The following GPC6 variants were observed in gnomAD, a reference collection of about 807,000 sequenced individuals.
GPC6 encodes the protein glypican 6, also known as glypican-6.
A neutral mutation model predicts 55.2 loss-of-function variants in GPC6; 14 were observed. The observed-to-expected ratio is 0.25, with a 90% confidence interval of 0.17 to 0.40. GPC6 has a LOEUF of 0.40. Ranked by LOEUF, GPC6 falls within the 10% of genes least tolerant of loss-of-function variation. The probability of loss-of-function intolerance (pLI) is 1.00; values close to 1 mark genes in which losing one functional copy is unlikely to be tolerated. For synonymous variants in GPC6, 278 were observed against 259.6 expected (o/e 1.07, Z -0.68); for missense variants, 641 against 708.5 (o/e 0.90, Z 1.08).
At chr13:93,505,253 G>T (rs765413818) in intron 1 of GPC6, among the ~76,000 whole-genome samples, 1 of 152,120 alleles carries the variant, frequency 6.6e-6, no homozygotes, top group Non-Finnish European at 1.5e-5. Context: ...CAGTAGTTAT[G>T]ATCTGTAAAC....
intron 3 of GPC6, among the ~76,000 whole-genome samples, chr13:93,840,764 A>G (rs1887924553): frequency 6.6e-6 from 1 of 152,140 alleles, no homozygotes; most frequent in Non-Finnish European, 1.5e-5. Flanking sequence ...TGTGCAACAA[A>G]CAGATGAGAC....
chr13:93,843,553 G>C (rs1489001969), intron 3 of GPC6, among the ~76,000 whole-genome samples: 1 of 152,112 alleles, frequency 6.6e-6, no homozygotes, highest in Admixed American at 6.6e-5. Flanking sequence ...GTGGACCTTG[G>C]TCCAAACTGG....
chr13:94,222,419 C>T (rs147468123), intron 4 of GPC6, among the ~76,000 whole-genome samples: 2,027 of 152,158 alleles, frequency 0.013, 24 homozygotes, highest in Non-Finnish European at 0.021. Flanking sequence ...TTCTGGAGAA[C>T]ATGTCACTAA....
chr13:93,989,902 G>GTA (rs201397049), intron 3 of GPC6, among the ~76,000 whole-genome samples: 1,448 of 136,898 alleles, frequency 0.011, 23 homozygotes, highest in African/African-American at 0.036. Flanking sequence ...ATGTGTGTGT[G>GTA]TATATATATA....
intron 1 of GPC6, among the ~76,000 whole-genome samples, chr13:93,540,332 T>C (rs1201325754): frequency 1.3e-5 from 2 of 152,150 alleles, no homozygotes; most frequent in Non-Finnish European, 2.9e-5. Context: ...CATATATCCA[T>C]CAAGCAGCTT....
At chr13:93,458,209 G>A (rs1878542905) in intron 1 of GPC6, among the ~76,000 whole-genome samples, 1 of 152,126 alleles carries the variant, frequency 6.6e-6, no homozygotes, top group Non-Finnish European at 1.5e-5. Context: ...TACTGCTCAG[G>A]AGAGACACAG....
intron 4 of GPC6, among the ~76,000 whole-genome samples, chr13:94,204,758 T>C (rs1036699961): frequency 1.3e-5 from 2 of 152,218 alleles, no homozygotes; most frequent in African/African-American, 4.8e-5. Context: ...CTAGAATTAA[T>C]CATATTCCAA....
At chr13:93,995,133 A>G (rs1881478600) in intron 3 of GPC6, among the ~76,000 whole-genome samples, 1 of 151,672 alleles carries the variant, frequency 6.6e-6, no homozygotes, top group Non-Finnish European at 1.5e-5. Context: ...ACTGTATAAC[A>G]TTTTTCACAT....
intron 1 of GPC6, among the ~76,000 whole-genome samples, chr13:93,472,931 C>T (rs1879175154): frequency 6.6e-6 from 1 of 152,196 alleles, no homozygotes; most frequent in African/African-American, 2.4e-5. Context: ...GGTAGCTCTT[C>T]TCTGCAGACA....
intron 2 of GPC6, among the ~76,000 whole-genome samples, chr13:93,654,361 T>C (rs777684083): frequency 6.6e-6 from 1 of 152,080 alleles, no homozygotes; most frequent in African/African-American, 2.4e-5. Flanking sequence ...AGAATCTCAC[T>C]CTGTTGCCCA....
chr13:94,298,050 C>A (rs913773672), intron 5 of GPC6, among the ~76,000 whole-genome samples: 19 of 151,692 alleles, frequency 1.3e-4, no homozygotes, highest in African/African-American at 3.9e-4. Flanking sequence ...AAAAAAAAAA[C>A]TGACATTTAA....
Position 93,978,687 on chromosome 13 carries a change from T to A in GPC6, c.712-49042T>A, listed in dbSNP as rs1880635357. Among the ~76,000 whole-genome samples, 4 of 152,142 alleles carry A rather than the reference T, an allele frequency of 2.6e-5. No homozygotes were observed. In the South Asian group the frequency reaches 8.3e-4, roughly 31 times the overall value. ...CTTCAATGTGAGGTTTTTTTCATGA[T>A]TCTAGTCTACAAGGTCCACTTCCTT... is the stretch of plus-strand genomic sequence containing the variant. On this transcript the variant is annotated intron_variant, in intron 3 of 8. Transcript: ENST00000377047.
intron 8 of GPC6, among the ~76,000 whole-genome samples, chr13:94,399,284 G>T (rs1372018520): frequency 1.3e-5 from 2 of 152,154 alleles, no homozygotes; most frequent in East Asian, 3.9e-4. Context: ...AATATTGAGA[G>T]AAATTGTAAA....
intron 2 of GPC6, among the ~76,000 whole-genome samples, chr13:93,826,179 C>A (rs1887240881): frequency 6.6e-6 from 1 of 152,114 alleles, no homozygotes; most frequent in Admixed American, 6.6e-5. Context: ...CTTTCAGAAC[C>A]AGTTTATCCT....
chr13:93,307,127 T>C (rs960236777), intron 1 of GPC6, among the ~76,000 whole-genome samples: 1 of 152,214 alleles, frequency 6.6e-6, no homozygotes, highest in South Asian at 2.1e-4. Flanking sequence ...TTTTTTCTTA[T>C]ATTTAATCGA....
chr13:94,098,933 A>G (rs1885756264), intron 4 of GPC6, among the ~76,000 whole-genome samples: 1 of 152,138 alleles, frequency 6.6e-6, no homozygotes, highest in Non-Finnish European at 1.5e-5. Flanking sequence ...ACCCATAGAA[A>G]TAAATTTATA....
intron 2 of GPC6, among the ~76,000 whole-genome samples, chr13:93,716,130 A>G (rs1324778214): frequency 2.6e-5 from 4 of 151,674 alleles, no homozygotes; most frequent in African/African-American, 7.2e-5. Flanking sequence ...TGCCAGTTGT[A>G]TAATAAAAGT....
At chr13:93,455,046 G>T (rs980781635) in intron 1 of GPC6, among the ~76,000 whole-genome samples, 1 of 152,186 alleles carries the variant, frequency 6.6e-6, no homozygotes, top group Non-Finnish European at 1.5e-5. Context: ...GCCCCTTATT[G>T]CCCGGAGCCG....
At chr13:93,714,881 G>A (rs1883197974) in intron 2 of GPC6, among the ~76,000 whole-genome samples, 1 of 151,492 alleles carries the variant, frequency 6.6e-6, no homozygotes, top group South Asian at 2.1e-4. Context: ...CAGGAACCAG[G>A]GAACAGTCCC....
Sources: gnomAD v4.1 joint callset for allele counts (sites outside exome capture counted in the v4.1 genomes callset) on GRCh38, gnomAD v4.1.1 for gene constraint, MANE v1.5 for transcripts, NCBI Gene and HGNC (gene_info 2026-07-23, HGNC 2026-07-21) for gene names.